MSMO1: variants seen among roughly 807,000 people sequenced by gnomAD.
MSMO1 encodes methylsterol monooxygenase 1.
A neutral mutation model predicts 30.4 loss-of-function variants in MSMO1; 18 were observed. The observed-to-expected ratio is 0.59, with a 90% CI of 0.41 to 0.88. The LOEUF (loss-of-function observed/expected upper bound fraction) is 0.88, where lower values mean the gene tolerates loss of function less well. MSMO1 is among the 40% of genes least tolerant of loss of function. MSMO1 has a pLI of 0.00. For synonymous variants in MSMO1, 84 were observed against 107.9 expected (o/e 0.78, Z 1.37); for missense variants, 284 against 340.5 (o/e 0.83, Z 1.31).
At chr4:165,339,254 G>A (rs1267354730) in intron 4 of MSMO1, among the ~76,000 whole-genome samples, 5 of 151,904 alleles carry the variant, frequency 3.3e-5, no homozygotes, top group African/African-American at 1.2e-4. Context: ...ACAGGCATGC[G>A]TCACCACGCG....
intron 2 of MSMO1, among the ~76,000 whole-genome samples, chr4:165,336,662 T>C (rs1346886059): frequency 6.6e-6 from 1 of 152,178 alleles, no homozygotes; most frequent in Non-Finnish European, 1.5e-5. Context: ...TAGATAATGC[T>C]CAGATTAGAA....
At chr4:165,336,341 C>T (rs557485081) in intron 2 of MSMO1, among the ~76,000 whole-genome samples, 28 of 151,836 alleles carry the variant, frequency 1.8e-4, no homozygotes, top group African/African-American at 6.3e-4. Flanking sequence ...TAAAGGTATT[C>T]CTTTATATTA....
intron 1 of MSMO1, among the ~76,000 whole-genome samples, chr4:165,332,650 T>TTTA (rs1747431707): frequency 6.6e-6 from 1 of 152,230 alleles, no homozygotes; most frequent in South Asian, 2.1e-4. Context: ...TTAATAAGCT[T>TTTA]TTAAAGATTT....
intron 1 of MSMO1, chr4:165,327,973 A>T (rs936652081): frequency 5.9e-5 from 9 of 152,242 alleles, no homozygotes; most frequent in Admixed American, 4.6e-4. Context: ...ATGAAAACGG[A>T]GTGAAATTCT....
intron 1 of MSMO1, among the ~76,000 whole-genome samples, chr4:165,331,745 A>G (rs149837359): frequency 2.2e-4 from 34 of 152,342 alleles, no homozygotes; most frequent in African/African-American, 7.5e-4. Context: ...AAATTCATAA[A>G]TTAGAAGCAG....
At chr4:165,339,267 G>A (rs1249641237) in intron 4 of MSMO1, among the ~76,000 whole-genome samples, 1 of 151,960 alleles carries the variant, frequency 6.6e-6, no homozygotes, top group African/African-American at 2.4e-5. Flanking sequence ...ACCACGCGTG[G>A]CTAATTTTGT....
At position 165,339,096 on chromosome 4, in the gene MSMO1, C is replaced by CTTTTTTTTTTTTT. The variant is rs869192459; in HGVS notation, c.531+331_531+343dup. 1.5e-3 allele frequency among the ~76,000 whole-genome samples: 90 copies of CTTTTTTTTTTTTT among 60,520 alleles called. 9 individuals are homozygous for CTTTTTTTTTTTTT. Among genetic ancestry groups the CTTTTTTTTTTTTT allele is most frequent in the East Asian group, 2.0e-3 (3 of 1,512 alleles). 39.7% of individuals were successfully genotyped at this position (60,520 alleles called of 152,430 possible). A position where few individuals can be genotyped will look rare whatever the true frequency, so the allele number is the denominator to read the frequency against. On this transcript the variant is annotated intron_variant, in intron 4 of 5. Transcript: ENST00000261507. ...AAAACAGTAACTTCTATGAGCACTG[C>CTTTTTTTTTTTTT]TTTTTTTTTTTTTTTTTTTTTTTTT...
At chr4:165,332,188 A>G (rs926355220) in intron 1 of MSMO1, among the ~76,000 whole-genome samples, 1 of 152,220 alleles carries the variant, frequency 6.6e-6, no homozygotes, top group African/African-American at 2.4e-5. Context: ...GTATATACAT[A>G]TGCATAAAAG....
At chr4:165,339,300 C>T (rs1422929715) in intron 4 of MSMO1, among the ~76,000 whole-genome samples, 1 of 151,736 alleles carries the variant, frequency 6.6e-6, no homozygotes, top group Non-Finnish European at 1.5e-5. Flanking sequence ...GACAGGATTT[C>T]ACTATGTTGG....
intron 5 of MSMO1, 135 bp downstream of exon 5, chr4:165,340,510 G>T: frequency 1.3e-6 from 1 of 775,504 alleles, no homozygotes; most frequent in Non-Finnish European, 2.1e-6. Flanking sequence ...AAACATAACT[G>T]TTGGATAAAA....
At chr4:165,332,227 A>C (rs1747417179) in intron 1 of MSMO1, among the ~76,000 whole-genome samples, 1 of 152,202 alleles carries the variant, frequency 6.6e-6, no homozygotes, top group Non-Finnish European at 1.5e-5. Flanking sequence ...ATCCTTTTCA[A>C]AAAATCTTAA....
chr4:165,334,226 T>TTA (rs1747478076), intron 2 of MSMO1, among the ~76,000 whole-genome samples: 1 of 152,246 alleles, frequency 6.6e-6, no homozygotes, highest in African/African-American at 2.4e-5. Flanking sequence ...AGACTAGCCA[T>TTA]GTTTAAAGTG....
rs1393816734 is a variant in MSMO1, at chr4:165,327,732, T to C, written c.-64T>C. On this transcript the variant is annotated 5_prime_UTR_variant, in exon 1 of 6. Transcript: ENST00000261507. ...TGGAACACCTGGCGAGTCCTCGGTG[T>C]CGGTGGCCGGCAGTCATCTCGCGGC... is the stretch of plus-strand genomic sequence containing the variant. 1.3e-5 allele frequency: 2 copies of C among 152,274 alleles called. No individual in the cohort carries two copies. The highest frequency in any genetic ancestry group is 2.9e-5 in the Non-Finnish European group (2 of 68,134). 9.4% of individuals were successfully genotyped at this position (152,274 alleles called of 1,614,324 possible). A position where few individuals can be genotyped will look rare whatever the true frequency, so the allele number is the denominator to read the frequency against.
intron 1 of MSMO1, among the ~76,000 whole-genome samples, chr4:165,329,192 A>C (rs986484045): frequency 2.0e-5 from 3 of 152,088 alleles, no homozygotes; most frequent in Non-Finnish European, 2.9e-5. Flanking sequence ...TATTTTTTCT[A>C]ATCTCCTGGT....
chr4:165,337,593 C>G (rs1344490374), intron 2 of MSMO1, among the ~76,000 whole-genome samples, 196 bp from the exon 3 acceptor site: 1 of 152,194 alleles, frequency 6.6e-6, no homozygotes, highest in East Asian at 1.9e-4. Context: ...CTAGGCGCAT[C>G]TGTTAACAGT....
At chr4:165,340,576 G>T in intron 5 of MSMO1, 1 of 584,928 alleles carries the variant, frequency 1.7e-6, no homozygotes, top group Non-Finnish European at 3.0e-6. Context: ...TTTTTATAGT[G>T]ATAATGTGTT....
chr4:165,338,864 A>G lies in MSMO1; in HGVS notation c.531+86A>G, dbSNP rs1285530511. On this transcript the variant is annotated intron_variant, in intron 4 of 5. Coordinates refer to ENST00000261507, the MANE Select transcript of MSMO1 (RefSeq NM_006745.5). Reference sequence around the variant, plus strand: ...GAGCATTTTTCTAAAATTGTTGGTGACGTTTTTATTTTCTTTTCCTTTGGC... The same window carrying G: ...GAGCATTTTTCTAAAATTGTTGGTGGCGTTTTTATTTTCTTTTCCTTTGGC... 17 of 1,156,746 alleles carry G rather than the reference A, an allele frequency of 1.5e-5. No individual in the cohort carries two copies. In the South Asian group the frequency reaches 2.4e-4, roughly 16 times the overall value. 71.7% of individuals were successfully genotyped at this position (1,156,746 alleles called of 1,614,324 possible).
At chr4:165,330,908 T>C (rs1270099442) in intron 1 of MSMO1, among the ~76,000 whole-genome samples, 2 of 152,188 alleles carry the variant, frequency 1.3e-5, no homozygotes, top group Non-Finnish European at 2.9e-5. Flanking sequence ...GCAATCTTTA[T>C]GTAGAGCTCT....
chr4:165,328,630 C>G (rs1747302206), intron 1 of MSMO1, among the ~76,000 whole-genome samples: 1 of 151,680 alleles, frequency 6.6e-6, no homozygotes, highest in Non-Finnish European at 1.5e-5. Flanking sequence ...CTAAATTTAT[C>G]TAGTCAACCT....
Sources: allele counts gnomAD v4.1 joint callset (sites outside exome capture counted in the v4.1 genomes callset), GRCh38; gene constraint gnomAD v4.1.1; transcripts MANE v1.5; gene names NCBI Gene and HGNC (gene_info 2026-07-23, HGNC 2026-07-21).